Variants in CA10 observed in about 807,000 individuals in gnomAD.
CA10 encodes the protein carbonic anhydrase 10 (inactive).
A neutral mutation model predicts 44.2 loss-of-function variants in CA10; 14 were observed. That is an observed-to-expected ratio of 0.32 (90% CI 0.21 to 0.50). The LOEUF (loss-of-function observed/expected upper bound fraction) is 0.50. CA10 is among the 20% of genes least tolerant of loss of function. The pLI, the probability that CA10 is intolerant of heterozygous loss-of-function variation, is 0.99. For synonymous variants in CA10, 159 were observed against 141.6 expected (o/e 1.12, Z -0.87); for missense variants, 350 against 409.7 (o/e 0.85, Z 1.26).
chr17:52,010,566 T>A (rs751726489), intron 2 of CA10, among the ~76,000 whole-genome samples: 10 of 151,884 alleles, frequency 6.6e-5, no homozygotes, highest in Non-Finnish European at 8.8e-5. Context: ...TTGTGAGAAC[T>A]AACCTATGAG....
intron 1 of CA10, among the ~76,000 whole-genome samples, chr17:52,084,393 A>G (rs1295948105): frequency 6.6e-6 from 1 of 152,178 alleles, no homozygotes; most frequent in Non-Finnish European, 1.5e-5. Context: ...GCACTATATG[A>G]CAGGTGCTGT....
At chr17:51,817,495 A>AC (rs1051018803) in intron 3 of CA10, among the ~76,000 whole-genome samples, 1 of 152,084 alleles carries the variant, frequency 6.6e-6, no homozygotes, top group Non-Finnish European at 1.5e-5. Context: ...GGAGGATGCT[A>AC]CCCTCCTCAG....
At chr17:51,762,494 T>G (rs1431890001) in intron 3 of CA10, 1 of 152,178 alleles carries the variant, frequency 6.6e-6, no homozygotes, top group Admixed American at 6.5e-5. Context: ...TGGGCAAATA[T>G]AAGGCACACA....
At chr17:51,698,055 T>A (rs1471619849) in intron 4 of CA10, among the ~76,000 whole-genome samples, 1 of 152,140 alleles carries the variant, frequency 6.6e-6, no homozygotes, top group African/African-American at 2.4e-5. Flanking sequence ...CCTATGGGGG[T>A]GGCCCCTCTC....
intron 3 of CA10, among the ~76,000 whole-genome samples, chr17:51,856,589 C>T (rs755016278): frequency 1.6e-4 from 25 of 152,212 alleles, no homozygotes; most frequent in Non-Finnish European, 2.5e-4. Flanking sequence ...CACAAACCAG[C>T]GTTTACTTAT....
intron 3 of CA10, among the ~76,000 whole-genome samples, chr17:51,831,942 A>G (rs901637069): frequency 6.6e-6 from 1 of 152,168 alleles, no homozygotes; most frequent in Admixed American, 6.5e-5. Context: ...GATGCCTACC[A>G]AAATCCCACT....
chr17:51,701,938 C>T (rs925037994), intron 4 of CA10, among the ~76,000 whole-genome samples: 10 of 152,146 alleles, frequency 6.6e-5, no homozygotes, highest in African/African-American at 1.7e-4. Flanking sequence ...CCCATCCTGC[C>T]CTGGGTCTTG....
chr17:51,732,831 T>A (rs189789649), intron 4 of CA10, among the ~76,000 whole-genome samples: 15 of 152,192 alleles, frequency 9.9e-5, no homozygotes, highest in African/African-American at 3.4e-4. Context: ...ATTTCTGCCC[T>A]CTATATACAC....
At chr17:51,697,566 C>T (rs1372903600) in intron 4 of CA10, among the ~76,000 whole-genome samples, 1 of 152,186 alleles carries the variant, frequency 6.6e-6, no homozygotes, top group Non-Finnish European at 1.5e-5. Flanking sequence ...TCTCTTCTTT[C>T]CATAGCAGTT....
intron 3 of CA10, among the ~76,000 whole-genome samples, chr17:51,776,640 GA>G (rs1905831012): frequency 2.0e-5 from 3 of 152,094 alleles, no homozygotes; most frequent in South Asian, 4.2e-4. Flanking sequence ...ACTTGTAGTT[GA>G]AAAAAATATT....
At chr17:52,149,559 C>A (rs979853359) in intron 1 of CA10, among the ~76,000 whole-genome samples, 13 of 152,126 alleles carry the variant, frequency 8.5e-5, no homozygotes, top group Non-Finnish European at 1.8e-4. Context: ...TGCTGGAAAT[C>A]CTTTAAAGGT....
intron 4 of CA10, among the ~76,000 whole-genome samples, chr17:51,663,164 A>T (rs1207749952): frequency 3.9e-5 from 6 of 152,176 alleles, no homozygotes; most frequent in African/African-American, 1.4e-4. Context: ...AGATGAGATA[A>T]AACACATAAA....
At chr17:51,784,908 A>C (rs1198764561) in intron 3 of CA10, among the ~76,000 whole-genome samples, 1 of 152,152 alleles carries the variant, frequency 6.6e-6, no homozygotes, top group Non-Finnish European at 1.5e-5. Context: ...AACCATCTGG[A>C]CCACCCCGAA....
intron 1 of CA10, among the ~76,000 whole-genome samples, chr17:52,138,092 AG>A (rs1368755489): frequency 6.6e-6 from 1 of 152,196 alleles, no homozygotes; most frequent in African/African-American, 2.4e-5. Context: ...AGGTGTCAGC[AG>A]GCATGTGTTC....
chr17:51,688,907 G>T (rs1019558131), intron 4 of CA10, among the ~76,000 whole-genome samples: 1 of 152,150 alleles, frequency 6.6e-6, no homozygotes, highest in Admixed American at 6.5e-5. Context: ...GTTATTACAG[G>T]CCAGGTGTTG....
chr17:52,078,548 C>T (rs563904514), intron 1 of CA10, among the ~76,000 whole-genome samples: 1 of 152,314 alleles, frequency 6.6e-6, no homozygotes, highest in East Asian at 1.9e-4. Flanking sequence ...TTGTTTCCCT[C>T]AGAAATTGCA....
At chr17:52,055,934 G>A (rs1165992569) in intron 2 of CA10, among the ~76,000 whole-genome samples, 1 of 152,078 alleles carries the variant, frequency 6.6e-6, no homozygotes, top group East Asian at 1.9e-4. Flanking sequence ...TGAATTTCAG[G>A]TGATCACATG....
chr17:51,943,352 G>A (rs1983155814), intron 2 of CA10, among the ~76,000 whole-genome samples: 1 of 152,164 alleles, frequency 6.6e-6, no homozygotes, highest in African/African-American at 2.4e-5. Context: ...TTCAAGATCA[G>A]GAACTCTGAT....
At chr17:52,071,870 T>G (rs905315483) in intron 2 of CA10, among the ~76,000 whole-genome samples, 2 of 152,212 alleles carry the variant, frequency 1.3e-5, no homozygotes, top group East Asian at 1.9e-4. Flanking sequence ...TCTGCCCGCA[T>G]GCTGACAAGA....
Sources: allele counts gnomAD v4.1 joint callset (sites outside exome capture counted in the v4.1 genomes callset), GRCh38; gene constraint gnomAD v4.1.1; transcripts MANE v1.5; gene names NCBI Gene and HGNC (gene_info 2026-07-23, HGNC 2026-07-21).